ABTB3: variants seen among roughly 807,000 people sequenced by gnomAD.
ABTB3 encodes the protein ankyrin repeat- and BTB/POZ domain-containing protein 3.
chr12:107,610,351 A>G, the ABTB3 span: 3 of 1,614,130 alleles, frequency 1.9e-6, no homozygotes, highest in Non-Finnish European at 2.5e-6. Context: ...ACCATGAGCG[A>G]ACAGGTACAG....
the ABTB3 span, among the ~76,000 whole-genome samples, chr12:107,385,727 G>A: frequency 6.6e-6 from 1 of 152,146 alleles, no homozygotes; most frequent in Non-Finnish European, 1.5e-5. Flanking sequence ...GGCTTATGGG[G>A]CCCAACAGCT....
At chr12:107,422,125 G>A in the ABTB3 span, among the ~76,000 whole-genome samples, 1 of 152,154 alleles carries the variant, frequency 6.6e-6, no homozygotes, top group Non-Finnish European at 1.5e-5. Flanking sequence ...GAGGGGTCTC[G>A]AGGAGGTAAA....
the ABTB3 span, among the ~76,000 whole-genome samples, chr12:107,654,844 A>ACG: frequency 6.7e-6 from 1 of 149,970 alleles, no homozygotes; most frequent in Non-Finnish European, 1.5e-5. Context: ...ACACACACAC[A>ACG]CACACACACA....
the ABTB3 span, among the ~76,000 whole-genome samples, chr12:107,358,337 G>C: frequency 6.6e-6 from 1 of 152,202 alleles, no homozygotes; most frequent in Admixed American, 6.5e-5. Context: ...TAGCTCCACA[G>C]ATACCTGGAG....
At chr12:107,608,877 TTAAAATAAAATAAAATAAATAAAATAAA>T in the ABTB3 span, among the ~76,000 whole-genome samples, 1,175 of 90,122 alleles carry the variant, frequency 0.013, 24 homozygotes, top group Non-Finnish European at 0.019. Context: ...CCTCAAAAAT[TTAAAATAAAATAAAATAAATAAAATAAA>T]ATAAAATAAA....
At chr12:107,492,427 A>G in the ABTB3 span, among the ~76,000 whole-genome samples, 57,766 of 151,852 alleles carry the variant, frequency 0.38, 13,341 homozygotes, top group African/African-American at 0.66. Flanking sequence ...CTTGCCCAAG[A>G]CCCCTCGGGA....
chr12:107,547,455 T>C, the ABTB3 span, among the ~76,000 whole-genome samples: 2 of 152,166 alleles, frequency 1.3e-5, no homozygotes, highest in Non-Finnish European at 2.9e-5. Flanking sequence ...CAGAGTGTAG[T>C]TGGAGTGGCT....
the ABTB3 span, chr12:107,318,939 C>G: frequency 3.8e-6 from 6 of 1,591,702 alleles, no homozygotes; most frequent in Non-Finnish European, 5.2e-6. Context: ...AGTGGCGCAG[C>G]GATGGCCAGG....
At chr12:107,469,868 TTCTTTCTTTCTTTC>T in the ABTB3 span, among the ~76,000 whole-genome samples, 29 of 80,098 alleles carry the variant, frequency 3.6e-4, no homozygotes, top group Non-Finnish European at 5.9e-4. Context: ...TTTCTTTCTT[TTCTTTCTTTCTTTC>T]TTTCTTTCTT....
the ABTB3 span, among the ~76,000 whole-genome samples, chr12:107,364,865 A>C: frequency 6.6e-6 from 1 of 152,192 alleles, no homozygotes; most frequent in African/African-American, 2.4e-5. Flanking sequence ...AAATTTTATT[A>C]AAGCTGGTTT....
At chr12:107,460,438 T>A in the ABTB3 span, among the ~76,000 whole-genome samples, 1 of 152,226 alleles carries the variant, frequency 6.6e-6, no homozygotes, top group Non-Finnish European at 1.5e-5. Context: ...GTGGATCACC[T>A]GAGTGCAGGA....
the ABTB3 span, among the ~76,000 whole-genome samples, chr12:107,582,234 G>T: frequency 6.6e-6 from 1 of 152,148 alleles, no homozygotes; most frequent in Non-Finnish European, 1.5e-5. Flanking sequence ...GCATTTATTG[G>T]ATGTTTACCA....
At chr12:107,633,969 C>T in the ABTB3 span, among the ~76,000 whole-genome samples, 1 of 152,202 alleles carries the variant, frequency 6.6e-6, no homozygotes, top group Non-Finnish European at 1.5e-5. Flanking sequence ...AGCCGATAGG[C>T]AGGCAGTTAT....
chr12:107,647,314 A>G, the ABTB3 span, among the ~76,000 whole-genome samples: 1 of 152,100 alleles, frequency 6.6e-6, no homozygotes, highest in East Asian at 1.9e-4. Context: ...TGGGTGACAG[A>G]GTGAGGCCCT....
the ABTB3 span, among the ~76,000 whole-genome samples, chr12:107,634,021 G>C: frequency 1.1e-4 from 17 of 152,196 alleles, no homozygotes; most frequent in African/African-American, 3.9e-4. Flanking sequence ...ATGCCCTTTG[G>C]TTATAAAGCC....
the ABTB3 span, among the ~76,000 whole-genome samples, chr12:107,379,947 T>C: frequency 6.6e-6 from 1 of 152,192 alleles, no homozygotes; most frequent in Non-Finnish European, 1.5e-5. Context: ...CACCTCACAG[T>C]GTTGTGTCTG....
chr12:107,428,283 T>A, the ABTB3 span, among the ~76,000 whole-genome samples: 1 of 152,170 alleles, frequency 6.6e-6, no homozygotes, highest in Non-Finnish European at 1.5e-5. Context: ...AGGATCACAT[T>A]GTCTGACACC....
chr12:107,540,038 A>G, the ABTB3 span, among the ~76,000 whole-genome samples: 3 of 152,212 alleles, frequency 2.0e-5, no homozygotes, highest in Non-Finnish European at 4.4e-5. Flanking sequence ...AGGGCTGGGT[A>G]TGTGAAGATG....
At chr12:107,572,715 C>T in the ABTB3 span, among the ~76,000 whole-genome samples, 1 of 152,092 alleles carries the variant, frequency 6.6e-6, no homozygotes, top group South Asian at 2.1e-4. Flanking sequence ...TGAGCCAAGT[C>T]CCCAGGGAAG....
Sources: gnomAD v4.1 joint callset for allele counts (sites outside exome capture counted in the v4.1 genomes callset) on GRCh38, gnomAD v4.1.1 for gene constraint, MANE v1.5 for transcripts, NCBI Gene and HGNC (gene_info 2026-07-23, HGNC 2026-07-21) for gene names.